C4orf50: variants seen among roughly 807,000 people sequenced by gnomAD.
C4orf50 encodes the protein uncharacterized protein C4orf50.
A neutral mutation model predicts 77.2 loss-of-function variants in C4orf50; 80 were observed. The observed-to-expected ratio is 1.04, with a 90% CI of 0.87 to 1.25. The LOEUF (loss-of-function observed/expected upper bound fraction) is 1.25. Among genes scored for constraint, C4orf50 ranks in the 50% most tolerant of loss-of-function variants. The pLI is 0.00. For missense variants in C4orf50, 1,257 were observed against 1,152.9 expected, an observed-to-expected ratio of 1.09 and a Z score of -1.31; for synonymous variants, 532 against 465.3, an observed-to-expected ratio of 1.14 and a Z score of -1.84.
chr4:5,981,193 G>T (rs193060764), intron 28 of C4orf50, among the ~76,000 whole-genome samples: 1 of 151,882 alleles, frequency 6.6e-6, no homozygotes, highest in African/African-American at 2.4e-5. Context: ...TGTTCTGGGC[G>T]TTTTTCCATA....
intron 33 of C4orf50, among the ~76,000 whole-genome samples, chr4:5,960,999 G>A (rs539076813): frequency 6.6e-6 from 1 of 152,260 alleles, no homozygotes; most frequent in Admixed American, 6.5e-5. Context: ...GCCGCTACCT[G>A]TCCAATTCTG....
chr4:5,980,005 G>GT (rs1407376817), intron 29 of C4orf50, among the ~76,000 whole-genome samples, 169 bp downstream of exon 7: 3 of 151,542 alleles, frequency 2.0e-5, no homozygotes, highest in South Asian at 4.2e-4. Flanking sequence ...AGAGCCTGTG[G>GT]TTTTTTGTTG....
chr4:5,961,917 T>C (rs1719298073), intron 33 of C4orf50, among the ~76,000 whole-genome samples: 1 of 152,198 alleles, frequency 6.6e-6, no homozygotes, highest in African/African-American at 2.4e-5. Flanking sequence ...ATTTTCCTTG[T>C]AGGTCACTAA....
intron 7 of C4orf50, among the ~76,000 whole-genome samples, chr4:5,947,659 C>G (rs943845032): frequency 5.9e-5 from 9 of 152,014 alleles, no homozygotes; most frequent in Non-Finnish European, 1.2e-4. Flanking sequence ...CACTCACAGC[C>G]CTTCCTTTTG....
chr4:5,902,572 C>T (rs372294901), intron 7 of C4orf50: 3 of 152,284 alleles, frequency 2.0e-5, no homozygotes, highest in Admixed American at 6.5e-5. Context: ...AGCCCTCTGC[C>T]GGATGCTTTT....
chr4:5,954,050 G>A (rs1056496763), downstream of C4orf50, among the ~76,000 whole-genome samples: 3 of 152,220 alleles, frequency 2.0e-5, no homozygotes, highest in Admixed American at 6.5e-5. This position sits in a 1 kb window ranked among gnomAD's most constrained non-coding sequence, Gnocchi z 4.7. Context: ...TGCCTCTTTG[G>A]CTCCTGCTGC....
intron 7 of C4orf50, among the ~76,000 whole-genome samples, chr4:5,909,172 G>C (rs115201132): frequency 0.055 from 8,344 of 152,234 alleles, 292 homozygotes; most frequent in South Asian, 0.086. Context: ...ATCTAGCCCT[G>C]CCTATGTCTT....
At position 5,998,754 on chromosome 4, in the gene C4orf50, A is replaced by C. The variant is rs115914247; in HGVS notation, c.964-4278T>G. Among the ~76,000 whole-genome samples, 1,042 of 152,324 alleles carry C rather than the reference A, an allele frequency of 6.8e-3. 6 individuals are homozygous for C. Among genetic ancestry groups the C allele is most frequent in the Non-Finnish European group, 0.012 (815 of 68,026 alleles). On this transcript the variant is annotated intron_variant, in intron 25 of 33. Transcript: ENST00000531445. ...GTTTGCACCTGTGTCTGTCTCCTCT[A>C]TAAGCTTTTGGAGGGCAAGGTTCAT...
At position 6,008,013 on chromosome 4, in the gene C4orf50, T is replaced by C. The variant is rs1263160265; in HGVS notation, c.946A>G (p.Ile316Val). ...CCACTTACCAGGCTGCAGTGACCAA[T>C]AGGGGCCTGGGCTCCCAGCTCCTCT... The change falls in exon 25 of 34, where the codon ATT (isoleucine) becomes GTT (valine). Residue 316 changes from isoleucine (I) to valine (V), a missense_variant. Coordinates refer to ENST00000531445, the Ensembl canonical transcript of C4orf50. The surrounding 1 kb of genome is among the most constrained non-coding windows in gnomAD (Gnocchi z 6.0). 20 of 399,196 alleles carry C rather than the reference T, an allele frequency of 5.0e-5. No individual in the cohort carries two copies. The highest frequency in any genetic ancestry group is 8.2e-5 in the African/African-American group (4 of 48,748). The allele number at this position is 399,196 out of a possible 1,614,324, so 24.7% of individuals were successfully genotyped here.
At chr4:5,964,773 A>C (rs1719472375) in intron 33 of C4orf50, among the ~76,000 whole-genome samples, 1 of 70,104 alleles carries the variant, frequency 1.4e-5, no homozygotes. Context: ...GTCTCAAAAA[A>C]AAAAAAAAAA....
intron 25 of C4orf50, among the ~76,000 whole-genome samples, chr4:6,005,058 G>A (rs1328367559): frequency 6.6e-6 from 1 of 152,156 alleles, no homozygotes; most frequent in Non-Finnish European, 1.5e-5. Flanking sequence ...CTGCCTGAAA[G>A]CATCTCCTCT....
chr4:5,973,705 G>C, exon 31 of C4orf50: 1 of 1,613,984 alleles, frequency 6.2e-7, no homozygotes, highest in Admixed American at 1.7e-5. Flanking sequence ...CTCAGCCAGT[G>C]CCACGTCGTT....
At chr4:5,993,766 G>A (rs972490686) in intron 26 of C4orf50, among the ~76,000 whole-genome samples, 4 of 149,870 alleles carry the variant, frequency 2.7e-5, no homozygotes, top group South Asian at 2.1e-4. Context: ...GCAGTGAGCC[G>A]AGATCACACA....
Position 5,916,436 on chromosome 4 carries a change from C to T in C4orf50, c.*2475-18248G>A, listed in dbSNP as rs559876214. 5.3e-5 allele frequency among the ~76,000 whole-genome samples: 8 copies of T among 152,268 alleles called. No homozygotes were observed. The East Asian group carries it at 1.5e-3, about 29-fold the overall frequency. On this transcript the variant is annotated intron_variant, in intron 7 of 7. Coordinates refer to the C4orf50 transcript ENST00000324058. The surrounding 1 kb of genome is among the most constrained non-coding windows in gnomAD (Gnocchi z 4.4). Reference sequence around the variant, plus strand: ...AGGACCTGCCCCCAGAGCTCAGACCCCAGGCACTGGGTTGTTTTCCCTCAC... The same window carrying T: ...AGGACCTGCCCCCAGAGCTCAGACCTCAGGCACTGGGTTGTTTTCCCTCAC...
chr4:5,989,540 C>A lies in C4orf50; in HGVS notation c.2506G>T (p.Gly836Ter), dbSNP rs867922883. 8 of 1,536,010 alleles carry A rather than the reference C, an allele frequency of 5.2e-6. No homozygotes were observed. The African/African-American group carries it at 9.6e-5, about 18-fold the overall frequency. ...TTCTGAGCAAAGCTCCAGTTCTCTC[C>A]CCTACATGCAGAGGCTGAGCACTGC... The change falls in exon 28 of 34, where the codon GGA becomes TGA. Residue 836 changes from glycine (G) to a stop codon, truncating the protein, a stop_gained. Transcript: ENST00000531445. LOFTEE classifies it high-confidence loss of function.
intron 31 of C4orf50, among the ~76,000 whole-genome samples, chr4:5,968,340 A>G (rs1394119624): frequency 6.6e-6 from 1 of 152,196 alleles, no homozygotes; most frequent in Non-Finnish European, 1.5e-5. Flanking sequence ...CCTGGGGTCT[A>G]TGAGGGTCCC....
intron 7 of C4orf50, among the ~76,000 whole-genome samples, chr4:5,935,659 G>A (rs1362455057): frequency 2.0e-5 from 3 of 151,834 alleles, no homozygotes; most frequent in South Asian, 2.1e-4. Flanking sequence ...GGTGGCGGGC[G>A]CCTATAGTCC....
In C4orf50 at chr4:6,000,344, A is replaced by G. The variant is rs1478550204; in HGVS notation, c.964-5868T>C. On this transcript the variant is annotated intron_variant, in intron 25 of 33. Transcript: ENST00000531445. The surrounding 1 kb of genome is among the most constrained non-coding windows in gnomAD (Gnocchi z 6.0). ...TGCAGTTCCTTATCGATGGGTTCTA[A>G]CACTTTAATTTATAAATTCCAGGCT... is the stretch of plus-strand genomic sequence containing the variant. Among the ~76,000 whole-genome samples, 1 of 152,116 alleles carries G rather than the reference A, an allele frequency of 6.6e-6. No homozygotes were observed.
downstream of C4orf50, among the ~76,000 whole-genome samples, chr4:5,954,636 C>T (rs575641654): frequency 6.6e-6 from 1 of 152,064 alleles, no homozygotes. This position sits in a 1 kb window ranked among gnomAD's most constrained non-coding sequence, Gnocchi z 4.7. Context: ...GACGTGCCAG[C>T]CTGTATTCGA....
Sources: gnomAD v4.1 joint callset for allele counts (sites outside exome capture counted in the v4.1 genomes callset) on GRCh38, gnomAD v4.1.1 for gene constraint, Gnocchi (gnomAD v3.1) non-coding constraint, MANE v1.5 for transcripts, NCBI Gene and HGNC (gene_info 2026-07-23, HGNC 2026-07-21) for gene names.